DPP6: variants seen among roughly 807,000 people sequenced by gnomAD.
The protein encoded by DPP6 is A-type potassium channel modulatory protein DPP6.
A neutral mutation model predicts 122.6 loss-of-function variants in DPP6; 69 were observed. The observed-to-expected ratio is 0.56, with a 90% CI of 0.46 to 0.69. The LOEUF (loss-of-function observed/expected upper bound fraction) is 0.69. DPP6 is among the 30% of genes least tolerant of loss of function. The probability of loss-of-function intolerance (pLI) is 0.00; values close to 1 mark genes in which losing one functional copy is unlikely to be tolerated. For missense variants in DPP6, 928 were observed against 1,116.9 expected, an observed-to-expected ratio of 0.83 and a Z score of 2.41; for synonymous variants, 418 against 433.1, an observed-to-expected ratio of 0.97 and a Z score of 0.43.
chr7:154,728,357 G>T (rs1563146802), intron 8 of DPP6, among the ~76,000 whole-genome samples: 2 of 152,200 alleles, frequency 1.3e-5, no homozygotes, highest in South Asian at 4.1e-4. Context: ...AGAGTGACTT[G>T]CTGCTGAGAG....
the DPP6 span, among the ~76,000 whole-genome samples, chr7:153,759,364 G>A: frequency 6.6e-6 from 1 of 151,722 alleles, no homozygotes; most frequent in Non-Finnish European, 1.5e-5. Context: ...TGTCACCCAG[G>A]CTGGAGTGCA....
At chr7:154,286,539 A>C (rs906316384) in intron 1 of DPP6, among the ~76,000 whole-genome samples, 1 of 152,164 alleles carries the variant, frequency 6.6e-6, no homozygotes, top group Admixed American at 6.5e-5. Context: ...CCCTGTAGGC[A>C]AGAGTATTTA....
At chr7:154,291,830 A>G (rs1332043951) in intron 1 of DPP6, among the ~76,000 whole-genome samples, 1 of 152,240 alleles carries the variant, frequency 6.6e-6, no homozygotes, top group Non-Finnish European at 1.5e-5. Context: ...GAACCTAGGC[A>G]TGGACATTTA....
At chr7:154,155,398 G>C (rs966027043) in intron 1 of DPP6, among the ~76,000 whole-genome samples, 1 of 152,182 alleles carries the variant, frequency 6.6e-6, no homozygotes, top group Non-Finnish European at 1.5e-5. Context: ...GGTTAAACAA[G>C]CATCCCTCCC....
the DPP6 span, among the ~76,000 whole-genome samples, chr7:153,818,499 C>G: frequency 6.6e-6 from 1 of 152,044 alleles, no homozygotes; most frequent in Non-Finnish European, 1.5e-5. Flanking sequence ...TAGACTACTA[C>G]CCAGTGGCAG....
chr7:153,853,107 AAGAGGAATCAC>A, the DPP6 span, among the ~76,000 whole-genome samples: 1 of 152,196 alleles, frequency 6.6e-6, no homozygotes, highest in East Asian at 1.9e-4. Flanking sequence ...ACAAAAGGAA[AAGAGGAATCAC>A]AGAGGAATCA....
chr7:154,733,351 G>A (rs1329851112), intron 8 of DPP6, among the ~76,000 whole-genome samples: 1 of 152,246 alleles, frequency 6.6e-6, no homozygotes, highest in Non-Finnish European at 1.5e-5. Flanking sequence ...AGTCCTGCTG[G>A]ATGAGCACCA....
At chr7:154,155,284 G>T (rs1257486600) in intron 1 of DPP6, among the ~76,000 whole-genome samples, 2 of 152,200 alleles carry the variant, frequency 1.3e-5, no homozygotes, top group Non-Finnish European at 2.9e-5. Flanking sequence ...TGATAGACAT[G>T]GGGAGGGACA....
At chr7:154,475,061 A>G (rs367697973) in intron 3 of DPP6, 24 bp downstream of exon 3, 20 of 1,566,008 alleles carry the variant, frequency 1.3e-5, no homozygotes, top group Middle Eastern at 1.7e-4. Context: ...CTTCGTGCAC[A>G]AGACATCGCT....
intron 3 of DPP6, among the ~76,000 whole-genome samples, chr7:154,482,583 A>G (rs1823401017): frequency 6.6e-6 from 1 of 152,242 alleles, no homozygotes. Context: ...ATAATAACAT[A>G]TATTGAATAA....
chr7:154,399,610 T>A (rs1257847391), intron 1 of DPP6, among the ~76,000 whole-genome samples: 1 of 152,194 alleles, frequency 6.6e-6, no homozygotes, highest in Non-Finnish European at 1.5e-5. Flanking sequence ...TGAGCAGTTA[T>A]ATTGAGAACA....
intron 1 of DPP6, among the ~76,000 whole-genome samples, chr7:154,019,457 C>T (rs1003682399): frequency 6.6e-6 from 1 of 151,180 alleles, no homozygotes; most frequent in African/African-American, 2.4e-5. Flanking sequence ...TTCCCTCCTT[C>T]CCTCCCTTCC....
chr7:153,758,397 G>A, the DPP6 span, among the ~76,000 whole-genome samples: 12 of 152,270 alleles, frequency 7.9e-5, no homozygotes, highest in Non-Finnish European at 1.5e-4. Flanking sequence ...AGAATGTACG[G>A]TTTAATAAGT....
Position 154,666,151 on chromosome 7 carries a change from T to C in DPP6, c.681-3209T>C, listed in dbSNP as rs77641176. Among the ~76,000 whole-genome samples, 753 of 149,716 alleles carry C rather than the reference T, an allele frequency of 5.0e-3. 29 individuals are homozygous for C. The East Asian group carries it at 0.075, about 15-fold the overall frequency. On this transcript the variant is annotated intron_variant, in intron 6 of 25. Coordinates refer to ENST00000377770, the MANE Select transcript of DPP6 (RefSeq NM_130797.4). ...TATCCCTTTCTTCTATGATATATAA[T>C]TATATCATACTATATACATACATAT...
intron 1 of DPP6, among the ~76,000 whole-genome samples, chr7:154,015,201 A>T (rs1016535668): frequency 2.6e-5 from 4 of 152,084 alleles, no homozygotes; most frequent in Admixed American, 2.6e-4. Flanking sequence ...CGTTTGATGT[A>T]GCTGACTTCC....
At chr7:154,471,033 C>T (rs927472976) in intron 2 of DPP6, among the ~76,000 whole-genome samples, 3 of 152,002 alleles carry the variant, frequency 2.0e-5, no homozygotes, top group Non-Finnish European at 2.9e-5. Flanking sequence ...GGCGGATCAC[C>T]TGAGGTCAGG....
intron 1 of DPP6, among the ~76,000 whole-genome samples, chr7:154,257,377 T>G (rs1460699393): frequency 6.6e-6 from 1 of 152,090 alleles, no homozygotes; most frequent in Non-Finnish European, 1.5e-5. Flanking sequence ...CTTCGGCCTA[T>G]GAAGGCAGGT....
chr7:154,083,070 C>T (rs1273213085), intron 1 of DPP6, among the ~76,000 whole-genome samples: 12 of 151,960 alleles, frequency 7.9e-5, no homozygotes, highest in African/African-American at 2.4e-4. Context: ...AGGATGGTCT[C>T]GATCTCCTGA....
At chr7:154,449,180 G>A (rs1034050995) in intron 2 of DPP6, among the ~76,000 whole-genome samples, 3 of 151,870 alleles carry the variant, frequency 2.0e-5, no homozygotes, top group African/African-American at 2.4e-5. Context: ...TCTAGTAAAG[G>A]TCTAGTATCT....
Sources: allele counts gnomAD v4.1 joint callset (sites outside exome capture counted in the v4.1 genomes callset), GRCh38; gene constraint gnomAD v4.1.1; transcripts MANE v1.5; gene names NCBI Gene and HGNC (gene_info 2026-07-23, HGNC 2026-07-21).